Variants in SHISA9 observed in about 807,000 individuals in gnomAD.
The protein encoded by SHISA9 is protein shisa-9.
In SHISA9, 13 loss-of-function variants were observed where a neutral mutation model predicts 38.0. The observed-to-expected ratio is 0.34, with a 90% CI of 0.22 to 0.54. The LOEUF is 0.54. Ranked by LOEUF, SHISA9 falls within the 20% of genes least tolerant of loss-of-function variation. The pLI, the probability that SHISA9 is intolerant of heterozygous loss-of-function variation, is 0.91. For synonymous variants in SHISA9, 275 were observed against 242.0 expected (o/e 1.14, Z -1.27); for missense variants, 538 against 575.8 (o/e 0.93, Z 0.67).
intron 2 of SHISA9, among the ~76,000 whole-genome samples, chr16:12,975,656 C>CGGGGGGGGGGGGGGGT (rs139081896): frequency 9.1e-6 from 1 of 109,496 alleles, no homozygotes; most frequent in Non-Finnish European, 1.9e-5. Context: ...GGGACGGGGG[C>CGGGGGGGGGGGGGGGT]GGGGGGGGTA....
intron 2 of SHISA9, among the ~76,000 whole-genome samples, chr16:13,137,199 T>A (rs1311602423): frequency 6.6e-6 from 1 of 152,114 alleles, no homozygotes; most frequent in African/African-American, 2.4e-5. Context: ...ATGAAATATA[T>A]TTGTTGGCTC....
intron 4 of SHISA9, among the ~76,000 whole-genome samples, chr16:13,215,024 G>A (rs1171134252): frequency 6.6e-6 from 1 of 152,118 alleles, no homozygotes; most frequent in Non-Finnish European, 1.5e-5. Flanking sequence ...GTGGACTAGA[G>A]TTGCAGACAC....
the SHISA9 span, among the ~76,000 whole-genome samples, chr16:13,513,489 A>G: frequency 6.6e-6 from 1 of 152,224 alleles, no homozygotes; most frequent in South Asian, 2.1e-4. Context: ...ATTATTGGGT[A>G]TATACCCCAA....
the SHISA9 span, among the ~76,000 whole-genome samples, chr16:13,256,721 T>G: frequency 6.6e-6 from 1 of 152,164 alleles, no homozygotes; most frequent in Admixed American, 6.5e-5. Flanking sequence ...CTTGAATGAG[T>G]GAACAAATGA....
At chr16:13,524,507 T>G in the SHISA9 span, among the ~76,000 whole-genome samples, 1 of 152,196 alleles carries the variant, frequency 6.6e-6, no homozygotes, top group East Asian at 1.9e-4. Flanking sequence ...CAAGACAAGA[T>G]TAATTAGTTC....
chr16:13,128,695 C>G lies in SHISA9; in HGVS notation c.692-74699C>G, dbSNP rs545755910. ...TGATTCTATGACTTTGTGAGTCTAGCTTATGTCCCACTGGGAGGCAGACTT... is the reference window on the plus strand; with the variant it reads ...TGATTCTATGACTTTGTGAGTCTAGGTTATGTCCCACTGGGAGGCAGACTT... On this transcript the variant is annotated intron_variant, in intron 2 of 4. Transcript: ENST00000558583. 5.2e-4 allele frequency among the ~76,000 whole-genome samples: 79 copies of G among 152,218 alleles called. 1 individual carries two copies. The highest frequency in any genetic ancestry group is 1.6e-3 in the African/African-American group (66 of 41,536).
intron 2 of SHISA9, among the ~76,000 whole-genome samples, chr16:12,937,656 A>AAG (rs1387750451): frequency 4.6e-5 from 7 of 152,196 alleles, no homozygotes; most frequent in African/African-American, 1.4e-4. Flanking sequence ...ACATGGTGGA[A>AAG]AGAGAGAGAG....
chr16:13,311,347 T>C, the SHISA9 span, among the ~76,000 whole-genome samples: 3 of 152,276 alleles, frequency 2.0e-5, no homozygotes, highest in Non-Finnish European at 2.9e-5. Context: ...ACTGGGTGTA[T>C]TTACACTAAA....
intron 2 of SHISA9, among the ~76,000 whole-genome samples, chr16:12,954,765 G>C (rs1596547981): frequency 6.6e-6 from 1 of 152,152 alleles, no homozygotes; most frequent in Admixed American, 6.5e-5. Flanking sequence ...CACATCTTGA[G>C]TTACACAGCC....
chr16:13,443,314 G>C, the SHISA9 span, among the ~76,000 whole-genome samples: 1 of 152,216 alleles, frequency 6.6e-6, no homozygotes, highest in African/African-American at 2.4e-5. Context: ...AGGTTTGGGA[G>C]AGGATGTCAT....
the SHISA9 span, among the ~76,000 whole-genome samples, chr16:13,525,708 C>G: frequency 6.6e-6 from 1 of 152,232 alleles, no homozygotes; most frequent in Admixed American, 6.5e-5. Flanking sequence ...ATCATTTTCA[C>G]TTGCTAATTA....
chr16:12,968,632 G>A (rs1413273971), intron 2 of SHISA9, among the ~76,000 whole-genome samples: 1 of 152,212 alleles, frequency 6.6e-6, no homozygotes, highest in South Asian at 2.1e-4. Flanking sequence ...ATATGCTGTT[G>A]AGTGAGAGAA....
intron 2 of SHISA9, among the ~76,000 whole-genome samples, chr16:12,940,247 T>C (rs1012306592): frequency 6.6e-6 from 1 of 152,118 alleles, no homozygotes; most frequent in Non-Finnish European, 1.5e-5. Flanking sequence ...TACAGTTAGT[T>C]TCCCTCTTCT....
chr16:12,992,682 C>T (rs80076274), intron 2 of SHISA9, among the ~76,000 whole-genome samples: 3,990 of 152,192 alleles, frequency 0.026, 168 homozygotes, highest in African/African-American at 0.089. Flanking sequence ...GGCTGTTTTC[C>T]GCAATTTTAT....
chr16:13,186,543 G>A (rs149423498), intron 2 of SHISA9, among the ~76,000 whole-genome samples: 2,958 of 151,952 alleles, frequency 0.019, 44 homozygotes, highest in Non-Finnish European at 0.03. Flanking sequence ...TGATACACCC[G>A]CCTCTGCCTC....
At chr16:13,211,394 G>C (rs1222618160) in intron 3 of SHISA9, among the ~76,000 whole-genome samples, 3 of 151,834 alleles carry the variant, frequency 2.0e-5, no homozygotes, top group Non-Finnish European at 4.4e-5. Context: ...CTATACTGGA[G>C]GTATATTTTA....
the SHISA9 span, among the ~76,000 whole-genome samples, chr16:13,302,402 A>G: frequency 3.9e-5 from 6 of 152,170 alleles, no homozygotes; most frequent in Admixed American, 3.9e-4. Context: ...CTAACTCTGA[A>G]AGGCAAACGA....
At chr16:13,162,668 G>T (rs183601196) in intron 2 of SHISA9, among the ~76,000 whole-genome samples, 1 of 152,106 alleles carries the variant, frequency 6.6e-6, no homozygotes, top group African/African-American at 2.4e-5. Flanking sequence ...TTTATTATAA[G>T]GCCATTTTAC....
At chr16:12,943,761 G>A (rs1359692963) in intron 2 of SHISA9, among the ~76,000 whole-genome samples, 2 of 151,978 alleles carry the variant, frequency 1.3e-5, no homozygotes, top group Non-Finnish European at 1.5e-5. Context: ...AAAACACCCT[G>A]CCTCCATTTG....
Sources: gnomAD v4.1 joint callset for allele counts (sites outside exome capture counted in the v4.1 genomes callset) on GRCh38, gnomAD v4.1.1 for gene constraint, MANE v1.5 for transcripts, NCBI Gene and HGNC (gene_info 2026-07-23, HGNC 2026-07-21) for gene names.